STAM: variants seen among roughly 807,000 people sequenced by gnomAD.
STAM encodes signal transducing adapter molecule 1.
A neutral mutation model predicts 63.4 loss-of-function variants in STAM; 16 were observed. That is an observed-to-expected ratio of 0.25 (90% confidence interval 0.17 to 0.38). The LOEUF (loss-of-function observed/expected upper bound fraction) is 0.38. STAM is among the 10% of genes least tolerant of loss of function. STAM has a pLI of 1.00. For missense variants in STAM, 636 were observed against 657.1 expected (o/e 0.97, Z 0.35); for synonymous variants, 238 against 223.9 (o/e 1.06, Z -0.56).
At chr10:17,700,547 A>T (rs1277732783) in intron 9 of STAM, among the ~76,000 whole-genome samples, 2 of 151,350 alleles carry the variant, frequency 1.3e-5, no homozygotes, top group African/African-American at 4.9e-5. Flanking sequence ...CTATTGTTGA[A>T]TGCCTAGGTT....
intron 1 of STAM, among the ~76,000 whole-genome samples, chr10:17,656,178 C>T (rs1458939874): frequency 1.3e-5 from 2 of 151,562 alleles, no homozygotes; most frequent in Non-Finnish European, 2.9e-5. Context: ...CCTGTAGTCC[C>T]AGCTACTCAG....
intron 1 of STAM, among the ~76,000 whole-genome samples, chr10:17,653,718 G>A (rs4748394): frequency 0.11 from 17,236 of 152,166 alleles, 1,055 homozygotes; most frequent in Middle Eastern, 0.16. Flanking sequence ...CATGATAAGT[G>A]ATCTAGAGAA....
intron 1 of STAM, among the ~76,000 whole-genome samples, chr10:17,646,669 T>C (rs1378174548): frequency 6.6e-6 from 1 of 152,218 alleles, no homozygotes; most frequent in African/African-American, 2.4e-5. Flanking sequence ...ACCAATTCTC[T>C]TCTCACAATC....
intron 1 of STAM, among the ~76,000 whole-genome samples, chr10:17,653,395 A>T (rs1937349): frequency 0.076 from 11,603 of 152,272 alleles, 533 homozygotes; most frequent in Admixed American, 0.12. Context: ...ATAAAACAGG[A>T]TAAAAACTCT....
At position 17,644,237 on chromosome 10, in the gene STAM, C is replaced by A. The variant is rs782490692; in HGVS notation, c.-103C>A. The stretch of plus-strand genomic sequence containing the variant: ...CTGTCGCGGACCCTGTAGAGTCGGT[C>A]TCTGTTGCTCTTTTTGCCTGAGGAG... On this transcript the variant is annotated 5_prime_UTR_variant, in exon 1 of 14. Transcript: ENST00000377524. The A allele has an allele frequency of 3.3e-5, 42 of 1,277,666 alleles. No individual in the cohort carries two copies. Among genetic ancestry groups the A allele is most frequent in the African/African-American group, 5.9e-5 (4 of 67,832 alleles). The allele number at this position is 1,277,666 out of a possible 1,614,324, so 79.1% of individuals were successfully genotyped here. A position where few individuals can be genotyped will look rare whatever the true frequency, so the allele number is the denominator to read the frequency against.
In STAM at chr10:17,715,364, C is replaced by G. The variant is rs1444437856; in HGVS notation, c.*584C>G. 1.9e-5 allele frequency: 3 copies of G among 158,636 alleles called. No homozygotes were observed. The highest frequency in any genetic ancestry group is 1.8e-4 in the Admixed American group (3 of 17,052). 9.8% of individuals were successfully genotyped at this position (158,636 alleles called of 1,614,324 possible). ...GTTTCAGTTTCACATTAAACTGAAC[C>G]TTTTACTAATTGTGAGCTAAAGAGA... is the stretch of plus-strand genomic sequence containing the variant. On this transcript the variant is annotated 3_prime_UTR_variant, in exon 14 of 14. Coordinates refer to ENST00000377524, the MANE Select transcript of STAM (RefSeq NM_003473.4).
intron 2 of STAM, among the ~76,000 whole-genome samples, chr10:17,665,524 AT>A (rs1834340928): frequency 6.6e-6 from 1 of 151,970 alleles, no homozygotes; most frequent in Non-Finnish European, 1.5e-5. Flanking sequence ...TTATTACTTA[AT>A]TACTTATCGT....
intron 5 of STAM, 34 bp downstream of exon 5, chr10:17,688,207 G>C: frequency 7.0e-7 from 1 of 1,438,226 alleles, no homozygotes; most frequent in Non-Finnish European, 9.2e-7. Context: ...GTGTGCTACA[G>C]TTTGTTTCTC....
rs901294381 is a variant in STAM, at chr10:17,715,845, T to C, written c.*1065T>C. ...TAATCCCTTGCTAGTATTTTAAATATGTCTTTAACACATTGTATCCTTTAA... is the reference window on the plus strand; with the variant it reads ...TAATCCCTTGCTAGTATTTTAAATACGTCTTTAACACATTGTATCCTTTAA... On this transcript the variant is annotated 3_prime_UTR_variant, in exon 14 of 14. Coordinates refer to ENST00000377524, the MANE Select transcript of STAM (RefSeq NM_003473.4). 1.3e-5 allele frequency: 2 copies of C among 152,634 alleles called. No homozygotes were observed. The highest frequency in any genetic ancestry group is 1.3e-4 in the Admixed American group (2 of 15,280). The allele number at this position is 152,634 out of a possible 1,614,324, so 9.5% of individuals were successfully genotyped here.
At chr10:17,682,038 A>G (rs1012188523) in intron 2 of STAM, among the ~76,000 whole-genome samples, 1 of 152,218 alleles carries the variant, frequency 6.6e-6, no homozygotes, top group South Asian at 2.1e-4. Context: ...ATTTATCTAC[A>G]ACAAAGAGCA....
intron 4 of STAM, among the ~76,000 whole-genome samples, chr10:17,685,161 A>T (rs1020380713): frequency 6.6e-6 from 1 of 152,180 alleles, no homozygotes. Context: ...CTTTTCCATC[A>T]TACTTTCATC....
At chr10:17,704,868 C>A in intron 10 of STAM, 102 bp from the exon 11 acceptor site, 1 of 1,027,230 alleles carries the variant, frequency 9.7e-7, no homozygotes, top group Non-Finnish European at 1.4e-6. Flanking sequence ...TTTATTACTC[C>A]AAATTAAATC....
rs201871726 is a variant in STAM, at chr10:17,693,270, G to C, written c.493G>C (p.Gly165Arg). 8 of 1,613,210 alleles carry C rather than the reference G, an allele frequency of 5.0e-6. No individual in the cohort carries two copies. ...ASPALVAKDP[G>R]TVANKKEEED... is the part of the protein sequence containing the mutation. Reference sequence around the variant, plus strand: ...CCCAGCTCTTGTAGCCAAGGATCCTGGTACTGTGGCTAACAAAAAAGAAGA... The same window carrying C: ...CCCAGCTCTTGTAGCCAAGGATCCTCGTACTGTGGCTAACAAAAAAGAAGA... The change falls in exon 6 of 14, where the codon GGT (glycine) becomes CGT (arginine). Residue 165 changes from glycine (G) to arginine (R), a missense_variant. Coordinates refer to ENST00000377524, the MANE Select transcript of STAM (RefSeq NM_003473.4).
chr10:17,665,274 TTGA>T (rs1191306969), intron 2 of STAM, among the ~76,000 whole-genome samples: 1 of 152,148 alleles, frequency 6.6e-6, no homozygotes, highest in African/African-American at 2.4e-5. Context: ...TTTATGTTTG[TTGA>T]TTATATAAAG....
intron 4 of STAM, among the ~76,000 whole-genome samples, chr10:17,686,807 A>AT (rs1277702711): frequency 6.6e-6 from 1 of 152,100 alleles, no homozygotes; most frequent in African/African-American, 2.4e-5. Flanking sequence ...CTTAGAAAGA[A>AT]TTTTTTTTCT....
chr10:17,648,915 C>G (rs1554821221), intron 1 of STAM, among the ~76,000 whole-genome samples: 1 of 152,156 alleles, frequency 6.6e-6, no homozygotes, highest in Non-Finnish European at 1.5e-5. Flanking sequence ...GATCTCCAGA[C>G]TCACTCTCTT....
At chr10:17,711,862 A>G (rs1387744791) in intron 13 of STAM, among the ~76,000 whole-genome samples, 1 of 152,240 alleles carries the variant, frequency 6.6e-6, no homozygotes, top group Non-Finnish European at 1.5e-5. Flanking sequence ...AGTAGCGTAG[A>G]TGGATTCATA....
rs12241101 is a variant in STAM, at chr10:17,650,544, T to C, written c.40+6165T>C. On this transcript the variant is annotated intron_variant, in intron 1 of 13. Transcript: ENST00000377524. ...GAGTAATTCTTGACTTCTGTAGTTG[T>C]AATTTTCTACATTCTAAACAACAAA... Among the ~76,000 whole-genome samples, 752 of 152,330 alleles carry C rather than the reference T, an allele frequency of 4.9e-3. 2 individuals are homozygous for C. Among genetic ancestry groups the C allele is most frequent in the African/African-American group, 0.017 (725 of 41,570 alleles).
intron 12 of STAM, among the ~76,000 whole-genome samples, chr10:17,706,577 C>T (rs927299589): frequency 4.0e-5 from 6 of 151,878 alleles, no homozygotes; most frequent in Admixed American, 3.3e-4. Context: ...GACGGGGTTT[C>T]GCCGTGTTAG....
Sources: gnomAD v4.1 joint callset for allele counts (sites outside exome capture counted in the v4.1 genomes callset) on GRCh38, gnomAD v4.1.1 for gene constraint, MANE v1.5 for transcripts, NCBI Gene and HGNC (gene_info 2026-07-23, HGNC 2026-07-21) for gene names.